Variants in BEND7 observed in about 807,000 individuals in gnomAD.
BEND7 encodes BEN domain containing 7.
In BEND7, 28 loss-of-function variants were observed where a neutral mutation model predicts 50.9. The observed-to-expected ratio is 0.55, with a 90% confidence interval of 0.41 to 0.75. The LOEUF is 0.75. Among genes scored for constraint, BEND7 ranks in the 30% least tolerant of loss-of-function variants. The pLI is 0.00. For synonymous variants in BEND7, 170 were observed against 183.9 expected, an observed-to-expected ratio of 0.92 and a Z score of 0.61; for missense variants, 477 against 491.3, an observed-to-expected ratio of 0.97 and a Z score of 0.28.
At chr10:13,488,783 G>A (rs759048136) in intron 5 of BEND7, among the ~76,000 whole-genome samples, 24 of 152,114 alleles carry the variant, frequency 1.6e-4, no homozygotes, top group South Asian at 4.2e-4. Context: ...CACCGCGCCC[G>A]GCCTAAATAC....
At chr10:13,509,622 AC>A (rs1462877585) in intron 2 of BEND7, among the ~76,000 whole-genome samples, 1 of 152,214 alleles carries the variant, frequency 6.6e-6, no homozygotes, top group African/African-American at 2.4e-5. Flanking sequence ...TGGGAGGACT[AC>A]GCCTCACAAA....
chr10:13,469,839 G>A (rs2074633340), intron 6 of BEND7, among the ~76,000 whole-genome samples: 1 of 152,128 alleles, frequency 6.6e-6, no homozygotes, highest in Admixed American at 6.5e-5. Flanking sequence ...GTTTTTTTGT[G>A]AGTATTCCAT....
chr10:13,503,746 A>C (rs980542595), intron 2 of BEND7, among the ~76,000 whole-genome samples: 1 of 152,096 alleles, frequency 6.6e-6, no homozygotes, highest in Non-Finnish European at 1.5e-5. Flanking sequence ...CAACAACTAA[A>C]AGGATGGAAC....
chr10:13,500,312 G>A (rs1174186443), intron 2 of BEND7, among the ~76,000 whole-genome samples: 1 of 152,206 alleles, frequency 6.6e-6, no homozygotes, highest in Non-Finnish European at 1.5e-5. Flanking sequence ...CGCTTATGAT[G>A]AAAGAGGTTT....
intron 2 of BEND7, among the ~76,000 whole-genome samples, chr10:13,511,727 G>A (rs1177316295): frequency 3.3e-5 from 5 of 151,886 alleles, no homozygotes; most frequent in Non-Finnish European, 5.9e-5. Flanking sequence ...CACTTAGTAT[G>A]TACCAGGCCT....
chr10:13,480,665 A>C, intron 6 of BEND7: 1 of 985,262 alleles, frequency 1.0e-6, no homozygotes, highest in Non-Finnish European at 1.2e-6. Flanking sequence ...CAGCAGGTCA[A>C]ACTGGCTCTT....
At chr10:13,490,272 T>C (rs969514672) in intron 5 of BEND7, among the ~76,000 whole-genome samples, 1 of 152,258 alleles carries the variant, frequency 6.6e-6, no homozygotes, top group African/African-American at 2.4e-5. Flanking sequence ...CTTTTCATCG[T>C]TTCCAGTGCT....
rs17153459 is a variant in BEND7 at position 13,527,927 on chromosome 10, T to C, written c.61+546A>G. On this transcript the variant is annotated intron_variant, in intron 1 of 8. Coordinates refer to ENST00000466271, the MANE Select transcript of BEND7 (RefSeq NM_001369863.1). Reference sequence around the variant, plus strand: ...TTAAAGGATGCTTATCTGACTGCTATATGATCTAGTCTAAAACACCTTTCC... The same window carrying C: ...TTAAAGGATGCTTATCTGACTGCTACATGATCTAGTCTAAAACACCTTTCC... The C allele has an allele frequency of 7.3e-3, 5,617 of 767,290 alleles. 298 individuals carry two copies. The African/African-American group carries it at 0.098, about 13-fold the overall frequency. The allele number at this position is 767,290 out of a possible 1,614,324, so 47.5% of individuals were successfully genotyped here.
At chr10:13,478,590 G>A (rs1204061067) in intron 6 of BEND7, among the ~76,000 whole-genome samples, 1 of 102,164 alleles carries the variant, frequency 9.8e-6, no homozygotes, top group Admixed American at 1.1e-4. Context: ...TGGTAAGAAT[G>A]TATAATACCA....
At chr10:13,475,515 ACTT>A (rs1183208064) in intron 6 of BEND7, among the ~76,000 whole-genome samples, 1 of 152,228 alleles carries the variant, frequency 6.6e-6, no homozygotes, top group African/African-American at 2.4e-5. Context: ...AAGGGATCAA[ACTT>A]CTTTTTTCCT....
At position 13,492,649 on chromosome 10, in the gene BEND7, G is replaced by C. The variant is rs764666615; in HGVS notation, c.799C>G (p.Leu267Val). Residue 267 changes from leucine (L) to valine (V), a missense_variant, in exon 5 of 9, where the codon CTA (leucine) becomes GTA (valine). By Grantham distance (32) the Leu-to-Val change is conservative (BLOSUM62 1). Transcript: ENST00000466271. ...GATTCCAGAACAATGCCGAATCCTA[G>C]AACGCGGCTCTCCTCCGGGGAGGTG... ...EHTSPEESRV[L>V]GFGIVLESPS... 2 of 1,613,986 alleles carry C rather than the reference G, an allele frequency of 1.2e-6. No individual in the cohort carries two copies. Among genetic ancestry groups the C allele is most frequent in the African/African-American group, 1.3e-5 (1 of 74,920 alleles).
chr10:13,451,629 C>CT (rs1354889381), intron 7 of BEND7, among the ~76,000 whole-genome samples: 4 of 151,490 alleles, frequency 2.6e-5, no homozygotes, highest in Non-Finnish European at 5.9e-5. Flanking sequence ...TTTAATTGTA[C>CT]TTTAAGTTTT....
At chr10:13,452,732 TA>T in intron 6 of BEND7, 74 bp from the exon 7 acceptor site, 1 of 1,375,340 alleles carries the variant, frequency 7.3e-7, no homozygotes, top group South Asian at 1.5e-5. Flanking sequence ...AAATATATTC[TA>T]AAAAGAAAAA....
intron 2 of BEND7, among the ~76,000 whole-genome samples, chr10:13,513,856 A>G (rs1486392822): frequency 6.6e-6 from 1 of 152,096 alleles, no homozygotes; most frequent in Non-Finnish European, 1.5e-5. Flanking sequence ...CTCCTATTCT[A>G]TGGTGGCATC....
Position 13,480,980 on chromosome 10 carries a change from A to G in BEND7, c.982T>C (p.Ser328Pro). ...CTTTTCCTCTTCCCATTGGGTAAGG[A>G]GTTAGCCAAAGTCTTGTCATCAAAA... The part of the protein sequence containing the change: ...AFFDDKTLAN[S>P]LPNGKRKRGL... Residue 328 changes from serine to proline, a missense_variant, in exon 6 of 9, where the codon TCC (serine) becomes CCC (proline). Transcript: ENST00000466271. 6.2e-7 allele frequency: 1 copy of G among 1,614,158 alleles called. No homozygotes were observed. The highest frequency in any genetic ancestry group is 8.5e-7 in the Non-Finnish European group (1 of 1,180,032).
At chr10:13,465,242 G>T (rs2074113665) in intron 6 of BEND7, among the ~76,000 whole-genome samples, 1 of 152,188 alleles carries the variant, frequency 6.6e-6, no homozygotes, top group Admixed American at 6.5e-5. Context: ...GAGCCCTGAA[G>T]TTCATTTCAG....
At chr10:13,469,906 C>T (rs1054006454) in intron 6 of BEND7, among the ~76,000 whole-genome samples, 2 of 152,184 alleles carry the variant, frequency 1.3e-5, no homozygotes, top group Non-Finnish European at 2.9e-5. Flanking sequence ...ATTCCTGAGT[C>T]GTTCAGATTT....
At chr10:13,450,179 G>T (rs531670389) in intron 7 of BEND7, among the ~76,000 whole-genome samples, 13 of 152,200 alleles carry the variant, frequency 8.5e-5, no homozygotes, top group Non-Finnish European at 1.8e-4. Context: ...TCAAATCTGT[G>T]TGGGGCACTT....
intron 6 of BEND7, among the ~76,000 whole-genome samples, chr10:13,472,016 T>C (rs1343076212): frequency 6.6e-6 from 1 of 152,014 alleles, no homozygotes; most frequent in Non-Finnish European, 1.5e-5. Context: ...CCGTCACCAC[T>C]GTTAGACTCG....
Sources: allele counts gnomAD v4.1 joint callset (sites outside exome capture counted in the v4.1 genomes callset), GRCh38; gene constraint gnomAD v4.1.1; transcripts MANE v1.5; gene names NCBI Gene and HGNC (gene_info 2026-07-23, HGNC 2026-07-21).